Variants in EXOC4 observed in about 807,000 individuals in gnomAD.
The protein encoded by EXOC4 is exocyst complex component 4.
A neutral mutation model predicts 107.2 loss-of-function variants in EXOC4; 71 were observed. That is an observed-to-expected ratio of 0.66 (90% CI 0.55 to 0.81). The LOEUF (loss-of-function observed/expected upper bound fraction) is 0.81, where lower values mean the gene tolerates loss of function less well. Ranked by LOEUF, EXOC4 falls within the 30% of genes least tolerant of loss-of-function variation. The probability of loss-of-function intolerance (pLI) is 0.00; values close to 1 mark genes in which losing one functional copy is unlikely to be tolerated. For missense variants in EXOC4, 1,108 were observed against 1,189.6 expected (o/e 0.93, Z 1.01); for synonymous variants, 456 against 441.2 (o/e 1.03, Z -0.42).
At chr7:133,469,504 A>G (rs1392561270) in intron 7 of EXOC4, among the ~76,000 whole-genome samples, 2 of 151,984 alleles carry the variant, frequency 1.3e-5, no homozygotes. Flanking sequence ...GCAAACCACT[A>G]CTCCTGTTTT....
At chr7:133,275,985 T>A (rs1793981004) in intron 2 of EXOC4, among the ~76,000 whole-genome samples, 1 of 152,180 alleles carries the variant, frequency 6.6e-6, no homozygotes. Flanking sequence ...ACCAAAATTC[T>A]TGAATATCAT....
chr7:133,358,092 G>T (rs908721714), intron 6 of EXOC4, among the ~76,000 whole-genome samples: 2 of 152,094 alleles, frequency 1.3e-5, no homozygotes, highest in African/African-American at 4.8e-5. Flanking sequence ...GGAGTCTGAG[G>T]CACAAGAATT....
chr7:133,378,593 G>C (rs1347390784), intron 7 of EXOC4, among the ~76,000 whole-genome samples: 3 of 152,212 alleles, frequency 2.0e-5, no homozygotes, highest in East Asian at 3.9e-4. Context: ...ATACTATGCT[G>C]TTGTGAATTT....
intron 17 of EXOC4, among the ~76,000 whole-genome samples, chr7:134,014,904 A>G (rs182046773): frequency 8.3e-4 from 126 of 152,312 alleles, no homozygotes; most frequent in African/African-American, 2.9e-3. Flanking sequence ...TTTTAAAAGG[A>G]AATATTTGGC....
intron 7 of EXOC4, among the ~76,000 whole-genome samples, chr7:133,392,975 C>T (rs1796886332): frequency 6.6e-6 from 1 of 152,154 alleles, no homozygotes; most frequent in Non-Finnish European, 1.5e-5. Context: ...TTACCCTTTT[C>T]TATAGTAATG....
At chr7:133,554,406 A>G (rs1032277379) in intron 9 of EXOC4, among the ~76,000 whole-genome samples, 2 of 152,220 alleles carry the variant, frequency 1.3e-5, no homozygotes, top group Non-Finnish European at 2.9e-5. Flanking sequence ...TTCTCAATTT[A>G]AAAATAAATT....
intron 10 of EXOC4, among the ~76,000 whole-genome samples, chr7:133,724,705 C>G (rs1197756007): frequency 1.3e-5 from 2 of 152,202 alleles, no homozygotes; most frequent in African/African-American, 4.8e-5. Context: ...AGAAAGGGAT[C>G]TCTGAAGGTG....
At chr7:133,831,655 AT>A (rs1439932835) in intron 11 of EXOC4, among the ~76,000 whole-genome samples, 2 of 150,780 alleles carry the variant, frequency 1.3e-5, no homozygotes, top group African/African-American at 2.4e-5. Context: ...AGAATCAGCC[AT>A]TTTTCTAGGA....
chr7:133,640,899 G>A (rs1033911158), intron 10 of EXOC4, among the ~76,000 whole-genome samples: 1 of 150,672 alleles, frequency 6.6e-6, no homozygotes, highest in Admixed American at 6.6e-5. Context: ...AGAGGATCTT[G>A]CTGTGTTGCC....
downstream of EXOC4, among the ~76,000 whole-genome samples, chr7:134,070,044 A>G (rs1024143247): frequency 1.9e-5 from 2 of 106,042 alleles, no homozygotes; most frequent in African/African-American, 4.0e-5. Context: ...GGTCAACACA[A>G]TTTTGCTTGG....
intron 17 of EXOC4, among the ~76,000 whole-genome samples, chr7:134,025,008 C>G (rs1795107816): frequency 6.6e-6 from 1 of 152,180 alleles, no homozygotes; most frequent in Admixed American, 6.5e-5. Context: ...GGCCACAATC[C>G]CAGCTGCTGT....
At chr7:133,971,361 T>TATATATATAGAGAGAG (rs1489958236) in intron 14 of EXOC4, among the ~76,000 whole-genome samples, 9 of 75,068 alleles carry the variant, frequency 1.2e-4, no homozygotes, top group East Asian at 4.7e-4. Context: ...TATATATATA[T>TATATATATAGAGAGAG]AGAGAGAGAG....
chr7:133,973,103 C>T (rs1289218235), intron 14 of EXOC4, among the ~76,000 whole-genome samples: 1 of 152,164 alleles, frequency 6.6e-6, no homozygotes, highest in African/African-American at 2.4e-5. Flanking sequence ...ACAAATAACA[C>T]AGTACCAGCT....
At chr7:133,404,560 G>A (rs528656334) in intron 7 of EXOC4, among the ~76,000 whole-genome samples, 2 of 152,080 alleles carry the variant, frequency 1.3e-5, no homozygotes, top group Admixed American at 1.3e-4. Context: ...TGTACCCTTT[G>A]TTGTAGAATT....
At chr7:133,957,183 AG>A (rs1426537831) in intron 14 of EXOC4, among the ~76,000 whole-genome samples, 1 of 152,208 alleles carries the variant, frequency 6.6e-6, no homozygotes, top group Non-Finnish European at 1.5e-5. Flanking sequence ...ATTAATTTGT[AG>A]CATGTCTCAT....
At chr7:133,665,035 T>C (rs1265552123) in intron 10 of EXOC4, among the ~76,000 whole-genome samples, 1 of 152,186 alleles carries the variant, frequency 6.6e-6, no homozygotes, top group Non-Finnish European at 1.5e-5. Flanking sequence ...AATGCAATGC[T>C]CTTTATTTCC....
Position 133,787,985 on chromosome 7 carries a change from A to ATG in EXOC4, c.1515-29339_1515-29338insGT, listed in dbSNP as rs1796622493. Among the ~76,000 whole-genome samples, 3 of 93,508 alleles carry ATG rather than the reference A, an allele frequency of 3.2e-5. No homozygotes were observed. In the Admixed American group the frequency reaches 3.4e-4, roughly 11 times the overall value. 61.3% of individuals were successfully genotyped at this position (93,508 alleles called of 152,430 possible). On this transcript the variant is annotated intron_variant, in intron 10 of 17. Transcript: ENST00000253861. ...TATTTATATATATATATATATATAT[A>ATG]TATATATATATATATATATATATAT...
intron 10 of EXOC4, among the ~76,000 whole-genome samples, chr7:133,720,523 A>C (rs1377186143): frequency 6.6e-6 from 1 of 152,152 alleles, no homozygotes; most frequent in Non-Finnish European, 1.5e-5. Flanking sequence ...TTTTCTATTC[A>C]TGTTAAAGCA....
chr7:133,611,636 G>A (rs1294652673), intron 9 of EXOC4, among the ~76,000 whole-genome samples: 1 of 151,792 alleles, frequency 6.6e-6, no homozygotes, highest in African/African-American at 2.4e-5. Context: ...ATGTGTCACT[G>A]CCTTCACACA....
Sources: allele counts gnomAD v4.1 joint callset (sites outside exome capture counted in the v4.1 genomes callset), GRCh38; gene constraint gnomAD v4.1.1; transcripts MANE v1.5; gene names NCBI Gene and HGNC (gene_info 2026-07-23, HGNC 2026-07-21).